INF2: variants seen among roughly 807,000 people sequenced by gnomAD.
The protein encoded by INF2 is inverted formin 2.
INF2 carries 43 observed loss-of-function variants against 123.5 expected under a neutral mutation model. The ratio of observed to expected loss-of-function variants is 0.35; its 90% confidence interval spans 0.27 to 0.45. The LOEUF (loss-of-function observed/expected upper bound fraction) is 0.45, where lower values mean the gene tolerates loss of function less well. Ranked by LOEUF, INF2 falls within the 20% of genes least tolerant of loss-of-function variation. The pLI is 1.00. For missense variants in INF2, 1,453 were observed against 1,682.7 expected (o/e 0.86, Z 2.39); for synonymous variants, 851 against 745.0 (o/e 1.14, Z -2.32).
Position 104,711,688 on chromosome 14 carries a change from G to T in INF2, c.2478G>T (p.Ser826=). 1.2e-6 allele frequency: 2 copies of T among 1,612,318 alleles called. No individual in the cohort carries two copies. The highest frequency in any genetic ancestry group is 1.7e-6 in the Non-Finnish European group (2 of 1,179,646). Residue 826 remains serine, a synonymous_variant, in exon 16 of 23, where the codon TCG becomes TCT. Transcript: ENST00000392634. ...TGCCCCGGGACCTGGAACAGCCCTC[G>T]CAAGCAGCAGGGTAGGTAGCTCCTG... is the stretch of plus-strand genomic sequence containing the variant. ...LQLPRDLEQP[S]QAAGINLEII...
At chr14:104,681,618 A>G (rs952095807) in intron 1 of INF2, 1 of 1,287,118 alleles carries the variant, frequency 7.8e-7, no homozygotes, top group Non-Finnish European at 1.0e-6. Context: ...AAGCTGGGGT[A>G]GCCGAGAAAG....
chr14:104,708,760 A>C, intron 10 of INF2, 28 bp downstream of exon 10: 1 of 1,610,406 alleles, frequency 6.2e-7, no homozygotes, highest in Non-Finnish European at 8.5e-7. Context: ...CCCCCATCCC[A>C]GGCCACGGAG....
intron 20 of INF2, 134 bp from the exon 21 acceptor site, chr14:104,714,069 T>C: frequency 1.3e-6 from 1 of 768,240 alleles, no homozygotes; most frequent in Non-Finnish European, 2.0e-6. Flanking sequence ...GGTCCTGCTC[T>C]GAGACATCAG....
At chr14:104,709,165 C>T (rs960058336) in intron 10 of INF2, 116 bp from the exon 11 acceptor site, 1 of 764,014 alleles carries the variant, frequency 1.3e-6, no homozygotes, top group Non-Finnish European at 2.2e-6. Context: ...TGTGTCCCCC[C>T]TGCCCTGGCC....
At chr14:104,709,814 C>A in intron 12 of INF2, 109 bp downstream of exon 12, 1 of 976,332 alleles carries the variant, frequency 1.0e-6, no homozygotes, top group East Asian at 2.4e-5. Flanking sequence ...CCAATGGCTG[C>A]CCCGGGCTCC....
At chr14:104,704,089 G>C in intron 5 of INF2, 140 bp downstream of exon 5, 1 of 1,508,424 alleles carries the variant, frequency 6.6e-7, no homozygotes, top group Non-Finnish European at 8.8e-7. Flanking sequence ...GTAACCCCAG[G>C]GGTCCAGCCA....
Position 104,714,338 on chromosome 14 carries a change from C to G in INF2, c.3176C>G (p.Pro1059Arg). ...GACGCCGTGACCCCCGGCCCTCAGC[C>G]CACCCTGGAGCAGTTGGAGGAGGGT... ...LVDAVTPGPQ[P>R]TLEQLEEGGP... Residue 1059 changes from proline to arginine, a missense_variant, in exon 21 of 23, where the codon CCC (proline) becomes CGC (arginine). By Grantham distance (103) the Pro-to-Arg change is moderately radical. Coordinates refer to ENST00000392634, the MANE Select transcript of INF2 (RefSeq NM_022489.4). 3 of 1,594,004 alleles carry G rather than the reference C, an allele frequency of 1.9e-6. No homozygotes were observed. The highest frequency in any genetic ancestry group is 2.6e-6 in the Non-Finnish European group (3 of 1,171,062).
At chr14:104,696,804 C>T (rs886807812) in intron 1 of INF2, among the ~76,000 whole-genome samples, 5 of 152,122 alleles carry the variant, frequency 3.3e-5, no homozygotes, top group African/African-American at 4.8e-5. Flanking sequence ...CCGTTCTGCC[C>T]ACCCACCCCG....
chr14:104,687,980 G>A (rs1888716859), upstream of INF2, among the ~76,000 whole-genome samples: 1 of 152,228 alleles, frequency 6.6e-6, no homozygotes, highest in African/African-American at 2.4e-5. This position sits in a 1 kb window ranked among gnomAD's most constrained non-coding sequence, Gnocchi z 5.6. Flanking sequence ...GGGTGGGGTG[G>A]TACCAGGGCA....
rs186075307 is a variant in INF2, at chr14:104,714,270, T to C, written c.3108T>C (p.Leu1036=). 10,075 of 1,594,960 alleles carry C rather than the reference T, an allele frequency of 6.3e-3. 42 individuals carry two copies. The highest frequency in any genetic ancestry group is 7.8e-3 in the Middle Eastern group (47 of 6,026). ...GCTGTCCCGCCTCTGAGCCCGGCCT[T>C]GATGCTACAACAGCCAGCGAGTCCC... is the stretch of plus-strand genomic sequence containing the variant. ...STRCPASEPG[L]DATTASESRG... Residue 1036 remains leucine, a synonymous_variant, in exon 21 of 23, where the codon CTT becomes CTC. Transcript: ENST00000392634.
Position 104,713,199 on chromosome 14 carries a change from C to T in INF2, c.2776-8C>T. The T allele has an allele frequency of 6.4e-7, 1 of 1,559,256 alleles. No individual in the cohort carries two copies. The highest frequency in any genetic ancestry group is 8.7e-7 in the Non-Finnish European group (1 of 1,152,610). The stretch of plus-strand genomic sequence containing the variant: ...GCTGGGGTGACGGGGCCACATCTGC[C>T]AGTGCAGGAGAACAAGGACCGGAAG... On this transcript the variant is annotated splice_region_variant and splice_polypyrimidine_tract_variant and intron_variant, in intron 18 of 22. Transcript: ENST00000392634.
At chr14:104,714,163 G>A (rs1304096540) in intron 20 of INF2, 40 bp from the exon 21 acceptor site, 6 of 1,451,704 alleles carry the variant, frequency 4.1e-6, no homozygotes, top group Non-Finnish European at 5.4e-6. Context: ...TGGCTCGGGG[G>A]CAGGGTGCCT....
rs1445900403 is a variant in INF2, at chr14:104,720,562, C to T, written c.*1769C>T. ...TCTGCGTAGTCTCGTGTGGATGCTG[C>T]TGTGGACGTCTGCGTAGTCTCGTGT... On this transcript the variant is annotated 3_prime_UTR_variant, in exon 23 of 23. Transcript: ENST00000392634. The T allele has an allele frequency of 1.7e-5, 1 of 58,980 alleles. No individual in the cohort carries two copies. Among genetic ancestry groups the T allele is most frequent in the Non-Finnish European group, 2.7e-5 (1 of 37,154 alleles). The allele number at this position is 58,980 out of a possible 1,614,324, so 3.7% of individuals were successfully genotyped here. A position where few individuals can be genotyped will look rare whatever the true frequency, so the allele number is the denominator to read the frequency against.
rs555443485 is a variant in INF2 at position 104,695,153 on chromosome 14, C to T, written c.-10+5414C>T. Among the ~76,000 whole-genome samples the T allele has an allele frequency of 5.5e-4, 83 of 152,256 alleles. 1 individual carries two copies. The highest frequency in any genetic ancestry group is 1.8e-3 in the African/African-American group (75 of 41,554). On this transcript the variant is annotated intron_variant, in intron 1 of 22. Transcript: ENST00000392634. Reference sequence around the variant, plus strand: ...CCCTGCAGGGTACGTCTGGGGCCTGCGATAGGCCAGCCCTGGGCTCATGCC... The same window carrying T: ...CCCTGCAGGGTACGTCTGGGGCCTGTGATAGGCCAGCCCTGGGCTCATGCC...
upstream of INF2, chr14:104,689,613 C>T (rs2140589917): frequency 1.2e-6 from 1 of 869,424 alleles, no homozygotes; most frequent in South Asian, 5.2e-5. Flanking sequence ...GCCCGCCCCG[C>T]GCCCGCCAGG....
intron 5 of INF2, among the ~76,000 whole-genome samples, chr14:104,705,396 G>A (rs1465022258): frequency 1.3e-5 from 2 of 149,978 alleles, no homozygotes; most frequent in Non-Finnish European, 3.0e-5. Context: ...CAGCATGGGT[G>A]ACAGAGCGAG....
chr14:104,714,667 G>C lies in INF2; in HGVS notation c.3505G>C (p.Gly1169Arg), dbSNP rs745867688. The C allele has an allele frequency of 1.2e-6, 2 of 1,612,330 alleles. No homozygotes were observed. The highest frequency in any genetic ancestry group is 1.7e-6 in the Non-Finnish European group (2 of 1,179,620). The change falls in exon 21 of 23, where the codon GGT (glycine) becomes CGT (arginine). Residue 1169 changes from glycine to arginine, a missense_variant. Around this residue, in one of 8 missense-constraint regions of INF2, gnomAD observed 344 missense variants for 333.1 expected, o/e 1.03. Transcript: ENST00000392634. ...RGARPPAAGP[G>R]GDEDEDEEDT... is the part of the protein sequence containing the mutation. ...TGCCAGACCCCCTGCAGCAGGCCCAGGTGGGGATGAGGACGAGGACGAGGA... is the reference window on the plus strand; with the variant it reads ...TGCCAGACCCCCTGCAGCAGGCCCACGTGGGGATGAGGACGAGGACGAGGA...
intron 1 of INF2, among the ~76,000 whole-genome samples, chr14:104,682,886 C>T (rs977550239): frequency 1.3e-5 from 2 of 152,082 alleles, no homozygotes; most frequent in Admixed American, 1.3e-4. Context: ...CTGGGTTGAA[C>T]TGAGGGGTCT....
intron 8 of INF2, 94 bp from the exon 9 acceptor site, chr14:104,708,342 C>T (rs1889882448): frequency 6.6e-7 from 1 of 1,505,964 alleles, no homozygotes; most frequent in African/African-American, 1.4e-5. Flanking sequence ...GGCAGGACAT[C>T]CTTTAGACCC....
Sources: allele counts gnomAD v4.1 joint callset (sites outside exome capture counted in the v4.1 genomes callset), GRCh38; gene constraint gnomAD v4.1.1; regional missense constraint gnomAD v4.1.1; non-coding constraint Gnocchi (gnomAD v3.1); transcripts MANE v1.5; gene names NCBI Gene and HGNC (gene_info 2026-07-23, HGNC 2026-07-21).